The following PRKCI variants were observed in gnomAD, a reference collection of about 807,000 sequenced individuals.
PRKCI encodes protein kinase C iota, also known as protein kinase C iota type.
PRKCI carries 43 observed loss-of-function variants against 84.0 expected under a neutral mutation model. That is an observed-to-expected ratio of 0.51 (90% CI 0.40 to 0.66). PRKCI has a LOEUF of 0.66. Among genes scored for constraint, PRKCI ranks in the 30% least tolerant of loss-of-function variants. PRKCI has a pLI of 0.00. For synonymous variants in PRKCI, 216 were observed against 234.4 expected, an observed-to-expected ratio of 0.92 and a Z score of 0.72; for missense variants, 459 against 745.6, an observed-to-expected ratio of 0.62 and a Z score of 4.48.
chr3:170,234,383 T>C (rs73034323), intron 1 of PRKCI, among the ~76,000 whole-genome samples: 2,397 of 152,292 alleles, frequency 0.016, 75 homozygotes, highest in African/African-American at 0.055. Flanking sequence ...TATTTGTATG[T>C]TCTGATAAGT....
intron 2 of PRKCI, among the ~76,000 whole-genome samples, chr3:170,249,693 A>T (rs1229585176): frequency 1.6e-4 from 25 of 151,984 alleles, no homozygotes; most frequent in Admixed American, 1.6e-3. Context: ...CCACCTTGGA[A>T]GGCTGAAGTA....
At chr3:170,295,062 A>AT (rs759786605) in intron 14 of PRKCI, among the ~76,000 whole-genome samples, 27 of 151,964 alleles carry the variant, frequency 1.8e-4, no homozygotes, top group Non-Finnish European at 3.5e-4. Flanking sequence ...ATAAAAAAAA[A>AT]TTAGCTGGGC....
At chr3:170,294,907 T>G (rs1734655207) in intron 14 of PRKCI, among the ~76,000 whole-genome samples, 1 of 152,102 alleles carries the variant, frequency 6.6e-6, no homozygotes, top group Non-Finnish European at 1.5e-5. Flanking sequence ...AAATATCTTA[T>G]AATAAAAATT....
At position 170,273,290 on chromosome 3, in the gene PRKCI, C is replaced by G; in HGVS notation, c.596C>G (p.Pro199Arg). Reference protein sequence around the residue: ...ECGRHSLPQEPVMPMDQSSMH... With the variant: ...ECGRHSLPQERVMPMDQSSMH... Reference sequence around the variant, plus strand: ...TGTCTTTGGAAATGTTTGTAGGAACCAGTGATGCCCATGGATCAGTCATCC... The same window carrying G: ...TGTCTTTGGAAATGTTTGTAGGAACGAGTGATGCCCATGGATCAGTCATCC... Residue 199 changes from proline to arginine, a missense_variant, in exon 7 of 18, where the codon CCA (proline) becomes CGA (arginine). Transcript: ENST00000295797. The G allele has an allele frequency of 6.2e-7, 1 of 1,613,320 alleles. No individual in the cohort carries two copies. The highest frequency in any genetic ancestry group is 8.5e-7 in the Non-Finnish European group (1 of 1,179,496).
chr3:170,300,113 T>C (rs1441315105), intron 17 of PRKCI, among the ~76,000 whole-genome samples: 1 of 152,200 alleles, frequency 6.6e-6, no homozygotes, highest in Non-Finnish European at 1.5e-5. Context: ...GTCATTTCAC[T>C]TCTATCTCAT....
Position 170,263,101 on chromosome 3 carries a change from G to A in PRKCI, c.314-278G>A, listed in dbSNP as rs573074358. Among the ~76,000 whole-genome samples the A allele has an allele frequency of 4.6e-5, 7 of 151,188 alleles. No homozygotes were observed. In the South Asian group the frequency reaches 1.3e-3, roughly 27 times the overall value. On this transcript the variant is annotated intron_variant, in intron 3 of 17. Coordinates refer to ENST00000295797, the MANE Select transcript of PRKCI (RefSeq NM_002740.6). The stretch of plus-strand genomic sequence containing the variant: ...GGAGAATGGCGTGAACCCGGGAGGC[G>A]GAGCTTGCAGTGAGTCGAGATCGCG...
chr3:170,254,638 G>A (rs1733538519), intron 2 of PRKCI, among the ~76,000 whole-genome samples: 1 of 152,066 alleles, frequency 6.6e-6, no homozygotes, highest in African/African-American at 2.4e-5. Flanking sequence ...CACTCTAGAT[G>A]TATGGATTTA....
At chr3:170,243,818 T>C (rs1242653067) in intron 2 of PRKCI, among the ~76,000 whole-genome samples, 1 of 152,232 alleles carries the variant, frequency 6.6e-6, no homozygotes, top group Non-Finnish European at 1.5e-5. Context: ...CTCTTAGTTC[T>C]GGCCTCTGCC....
At chr3:170,253,900 C>G (rs1487877636) in intron 2 of PRKCI, among the ~76,000 whole-genome samples, 2 of 151,736 alleles carry the variant, frequency 1.3e-5, no homozygotes, top group Non-Finnish European at 2.9e-5. Flanking sequence ...AGTTCCAGAC[C>G]AGCCAGGCCA....
intron 12 of PRKCI, among the ~76,000 whole-genome samples, chr3:170,287,580 T>A (rs917196684): frequency 6.6e-6 from 1 of 151,788 alleles, no homozygotes; most frequent in Non-Finnish European, 1.5e-5. Flanking sequence ...ATGTTATTTT[T>A]AAATAACACC....
At chr3:170,261,456 TTTTA>T (rs1390409069) in intron 3 of PRKCI, among the ~76,000 whole-genome samples, 68 of 145,772 alleles carry the variant, frequency 4.7e-4, no homozygotes, top group African/African-American at 1.7e-3. Flanking sequence ...AGTGTTTTTT[TTTTA>T]AAAAAAAAAA....
rs1734921478 is a variant in PRKCI, at chr3:170,305,025, A to G, written c.*1898A>G. 6.6e-6 allele frequency: 1 copy of G among 152,238 alleles called. No individual in the cohort carries two copies. The highest frequency in any genetic ancestry group is 2.1e-4 in the South Asian group (1 of 4,832). 9.4% of individuals were successfully genotyped at this position (152,238 alleles called of 1,614,324 possible). A position where few individuals can be genotyped will look rare whatever the true frequency, so the allele number is the denominator to read the frequency against. ...ATGAAAACGTCAAAGGAAAATGTTT[A>G]TATACATCCACATGTTTATTTAATA... On this transcript the variant is annotated 3_prime_UTR_variant, in exon 18 of 18. Coordinates refer to ENST00000295797, the MANE Select transcript of PRKCI (RefSeq NM_002740.6).
At chr3:170,297,429 A>G in intron 16 of PRKCI, 36 bp downstream of exon 16, 2 of 1,531,378 alleles carry the variant, frequency 1.3e-6, no homozygotes, top group Middle Eastern at 1.9e-4. Flanking sequence ...ATTAGGTTTC[A>G]TTATTATCTT....
chr3:170,224,741 C>T (rs926337649), intron 1 of PRKCI, among the ~76,000 whole-genome samples: 1 of 152,170 alleles, frequency 6.6e-6, no homozygotes, highest in Non-Finnish European at 1.5e-5. Flanking sequence ...CCAGGCATGT[C>T]TTGAACTCCT....
At chr3:170,236,141 G>A (rs547462372) in intron 2 of PRKCI, among the ~76,000 whole-genome samples, 3 of 148,742 alleles carry the variant, frequency 2.0e-5, no homozygotes, top group South Asian at 2.1e-4. Context: ...TGGCTCTGTC[G>A]CCCAGGCTGG....
chr3:170,266,392 G>A (rs1306777309), intron 4 of PRKCI, among the ~76,000 whole-genome samples: 2 of 152,044 alleles, frequency 1.3e-5, no homozygotes, highest in Non-Finnish European at 2.9e-5. Flanking sequence ...TTGATAATCC[G>A]ACATTTGTGT....
chr3:170,259,060 C>G (rs1296171267), intron 2 of PRKCI, among the ~76,000 whole-genome samples: 1 of 152,060 alleles, frequency 6.6e-6, no homozygotes, highest in Non-Finnish European at 1.5e-5. Flanking sequence ...AGGAGAATCG[C>G]TTGAACCCAG....
chr3:170,301,497 G>C (rs1265636339), intron 17 of PRKCI, among the ~76,000 whole-genome samples: 1 of 151,972 alleles, frequency 6.6e-6, no homozygotes, highest in East Asian at 1.9e-4. Flanking sequence ...TCTTTCTATT[G>C]TTCTCAATCA....
chr3:170,293,160 T>C (rs1223556644), intron 13 of PRKCI, among the ~76,000 whole-genome samples: 1 of 147,692 alleles, frequency 6.8e-6, no homozygotes, highest in South Asian at 2.1e-4. Flanking sequence ...AGAAAGAAAG[T>C]TTTTTTTTCT....
Sources: allele counts gnomAD v4.1 joint callset (sites outside exome capture counted in the v4.1 genomes callset), GRCh38; gene constraint gnomAD v4.1.1; transcripts MANE v1.5; gene names NCBI Gene and HGNC (gene_info 2026-07-23, HGNC 2026-07-21).